The following STK3 variants were observed in gnomAD, a reference collection of about 807,000 sequenced individuals.
STK3 encodes the protein serine/threonine-protein kinase 3.
STK3 carries 41 observed loss-of-function variants against 58.0 expected under a neutral mutation model. The observed-to-expected ratio is 0.71, with a 90% CI of 0.55 to 0.92. STK3 has a LOEUF of 0.92. Among genes scored for constraint, STK3 ranks in the 40% least tolerant of loss-of-function variants. STK3 has a pLI of 0.00. For synonymous variants in STK3, 170 were observed against 191.0 expected (o/e 0.89, Z 0.91); for missense variants, 479 against 602.7 (o/e 0.79, Z 2.15).
chr8:98,392,101 ATCTT>A (rs1250845854), upstream of STK3, among the ~76,000 whole-genome samples: 1 of 152,082 alleles, frequency 6.6e-6, no homozygotes, highest in African/African-American at 2.4e-5. Context: ...AATAAAAGAA[ATCTT>A]TCTGAGTCTG....
chr8:98,881,726 G>A (rs1268673613), downstream of STK3: 6 of 152,162 alleles, frequency 3.9e-5, no homozygotes, highest in African/African-American at 1.4e-4. Context: ...ATCAAACTCT[G>A]TAATTTTGTT....
In STK3 at chr8:98,699,527, C is replaced by G. The variant is rs1436717148; in HGVS notation, c.684+6940G>C. Among the ~76,000 whole-genome samples the G allele has an allele frequency of 3.0e-4, 45 of 151,638 alleles. No individual in the cohort carries two copies. The East Asian group carries it at 3.5e-3, about 12-fold the overall frequency. On this transcript the variant is annotated intron_variant, in intron 6 of 10. Coordinates refer to ENST00000419617, the MANE Select transcript of STK3 (RefSeq NM_006281.4). ...TTTGGTCTTTGATGATGGTGATGTA[C>G]AGATGGGTTTTTGGTGTGGATGTCC... is the stretch of plus-strand genomic sequence containing the variant.
intron 1 of STK3, among the ~76,000 whole-genome samples, chr8:98,915,452 A>G (rs1839311512): frequency 7.4e-6 from 1 of 135,776 alleles, no homozygotes; most frequent in Admixed American, 7.4e-5. Context: ...ATATATATAT[A>G]TATATATATA....
chr8:98,690,087 C>T (rs1161046644), intron 6 of STK3, among the ~76,000 whole-genome samples: 1 of 152,130 alleles, frequency 6.6e-6, no homozygotes, highest in Non-Finnish European at 1.5e-5. Flanking sequence ...CGGCCAACAT[C>T]ATACTGAATG....
downstream of STK3, among the ~76,000 whole-genome samples, chr8:98,397,941 G>A (rs1448438772): frequency 6.6e-6 from 1 of 152,180 alleles, no homozygotes; most frequent in African/African-American, 2.4e-5. Flanking sequence ...TGCACAGCCT[G>A]TGGAACTGTG....
At chr8:98,756,948 C>T (rs1375369999) in intron 3 of STK3, among the ~76,000 whole-genome samples, 1 of 152,172 alleles carries the variant, frequency 6.6e-6, no homozygotes, top group Non-Finnish European at 1.5e-5. Context: ...AGTAGCCAAT[C>T]CTAAACCTGT....
intron 3 of STK3, among the ~76,000 whole-genome samples, chr8:98,845,111 A>G (rs572358449): frequency 2.0e-5 from 3 of 152,250 alleles, no homozygotes; most frequent in African/African-American, 7.2e-5. Flanking sequence ...TGGCTACATC[A>G]TGGCCCTCTA....
intron 8 of STK3, among the ~76,000 whole-genome samples, chr8:98,562,870 C>T (rs72666647): frequency 0.063 from 9,372 of 149,868 alleles, 424 homozygotes; most frequent in Non-Finnish European, 0.09. Context: ...GTTTGTGCCA[C>T]TGAACTGTAG....
intron 4 of STK3, among the ~76,000 whole-genome samples, chr8:98,729,956 C>T (rs955785758): frequency 3.3e-5 from 5 of 152,152 alleles, no homozygotes; most frequent in Admixed American, 1.3e-4. Context: ...CATTTCTCAT[C>T]TGGAAAATGG....
At chr8:98,467,381 T>C (rs1820552979) in intron 10 of STK3, among the ~76,000 whole-genome samples, 1 of 152,104 alleles carries the variant, frequency 6.6e-6, no homozygotes, top group African/African-American at 2.4e-5. Flanking sequence ...GTGGGTCTCT[T>C]AGTAATCGCT....
chr8:98,820,344 T>C (rs1262193367), intron 1 of STK3, among the ~76,000 whole-genome samples: 1 of 152,192 alleles, frequency 6.6e-6, no homozygotes, highest in Non-Finnish European at 1.5e-5. Flanking sequence ...ATTCTTTTAC[T>C]ATCCTTTTAG....
chr8:98,391,136 A>C (rs1005270150), upstream of STK3, among the ~76,000 whole-genome samples: 1 of 152,192 alleles, frequency 6.6e-6, no homozygotes, highest in African/African-American at 2.4e-5. Context: ...TTATTAGACT[A>C]TGAGACTTTG....
chr8:98,888,391 G>A (rs1245020335), intron 1 of STK3, among the ~76,000 whole-genome samples: 1 of 152,182 alleles, frequency 6.6e-6, no homozygotes, highest in Non-Finnish European at 1.5e-5. Flanking sequence ...CAGGGGCTGA[G>A]GAAGAGTGGT....
chr8:98,846,074 G>A (rs1836188520), intron 3 of STK3, among the ~76,000 whole-genome samples: 1 of 152,304 alleles, frequency 6.6e-6, no homozygotes, highest in South Asian at 2.1e-4. Flanking sequence ...TGTGCTGCTG[G>A]AATAGCCACC....
chr8:98,585,999 A>G (rs1030245496), intron 7 of STK3, among the ~76,000 whole-genome samples: 11 of 152,126 alleles, frequency 7.2e-5, no homozygotes, highest in Non-Finnish European at 1.3e-4. Context: ...ATTTTGGGCT[A>G]AGACAATGGG....
downstream of STK3, among the ~76,000 whole-genome samples, chr8:98,367,604 GGGGCT>G (rs1351798430): frequency 6.6e-6 from 1 of 152,230 alleles, no homozygotes; most frequent in Non-Finnish European, 1.5e-5. Flanking sequence ...CCAGGTACCT[GGGGCT>G]GGAGCGGGGT....
chr8:98,575,452 C>T (rs904807595), intron 8 of STK3, among the ~76,000 whole-genome samples: 2 of 150,864 alleles, frequency 1.3e-5, no homozygotes, highest in African/African-American at 4.9e-5. Flanking sequence ...TCTCCTCTAT[C>T]TAGTATCACA....
At chr8:98,830,737 G>A (rs1010550510) in intron 3 of STK3, among the ~76,000 whole-genome samples, 3 of 152,086 alleles carry the variant, frequency 2.0e-5, no homozygotes, top group Non-Finnish European at 2.9e-5. Flanking sequence ...TTGGGAGGCC[G>A]AGGCGGGCAG....
chr8:98,414,416 C>T (rs1818091245), intron 3 of STK3, among the ~76,000 whole-genome samples: 1 of 152,170 alleles, frequency 6.6e-6, no homozygotes, highest in Non-Finnish European at 1.5e-5. Context: ...TTAGCAATCC[C>T]AGAAGGTGTC....
Sources: allele counts gnomAD v4.1 joint callset (sites outside exome capture counted in the v4.1 genomes callset), GRCh38; gene constraint gnomAD v4.1.1; transcripts MANE v1.5; gene names NCBI Gene and HGNC (gene_info 2026-07-23, HGNC 2026-07-21).